LRP1B: variants seen among roughly 807,000 people sequenced by gnomAD.
The protein encoded by LRP1B is LDL receptor related protein 1B, also known as low-density lipoprotein receptor-related protein 1B.
A neutral mutation model predicts 556.6 loss-of-function variants in LRP1B; 217 were observed. The ratio of observed to expected loss-of-function variants is 0.39; its 90% confidence interval spans 0.35 to 0.44. LRP1B has a LOEUF of 0.44. LRP1B is among the 20% of genes least tolerant of loss of function. The probability of loss-of-function intolerance (pLI) is 1.00; values close to 1 mark genes in which losing one functional copy is unlikely to be tolerated. For missense variants in LRP1B, 5,053 were observed against 5,620.8 expected, an observed-to-expected ratio of 0.90 and a Z score of 3.23; for synonymous variants, 2,047 against 1,865.8, an observed-to-expected ratio of 1.10 and a Z score of -2.50.
At chr2:140,487,774 T>C in intron 57 of LRP1B, 35 bp from the exon 58 acceptor site, 2 of 1,357,752 alleles carry the variant, frequency 1.5e-6, no homozygotes, top group Non-Finnish European at 2.0e-6. Flanking sequence ...TCAATGATAG[T>C]TCATAGAAAT....
At chr2:140,316,526 T>G (rs1037610762) in intron 82 of LRP1B, among the ~76,000 whole-genome samples, 14 of 150,954 alleles carry the variant, frequency 9.3e-5, no homozygotes, top group Admixed American at 8.5e-4. Context: ...TTACTGAAGT[T>G]TGTATTTGTA....
intron 32 of LRP1B, 93 bp from the exon 33 acceptor site, chr2:140,776,331 T>C (rs1213106722): frequency 1.3e-6 from 1 of 792,746 alleles, no homozygotes. Flanking sequence ...CTCTGATTTC[T>C]TTTGTTATAT....
chr2:141,979,506 A>G (rs1478924665), intron 1 of LRP1B, among the ~76,000 whole-genome samples: 1 of 152,106 alleles, frequency 6.6e-6, no homozygotes, highest in Non-Finnish European at 1.5e-5. Flanking sequence ...CAACATATTA[A>G]GAATCTTATT....
At chr2:140,657,697 AATC>A (rs1684942341) in intron 41 of LRP1B, among the ~76,000 whole-genome samples, 1 of 150,430 alleles carries the variant, frequency 6.6e-6, no homozygotes, top group Admixed American at 6.7e-5. Context: ...AACATTATGG[AATC>A]ATCAGTAAGC....
At chr2:141,166,729 T>C (rs566792915) in intron 7 of LRP1B, among the ~76,000 whole-genome samples, 4 of 152,084 alleles carry the variant, frequency 2.6e-5, no homozygotes, top group Admixed American at 6.6e-5. Flanking sequence ...TCACAGAGCA[T>C]TGTCATAATT....
intron 86 of LRP1B, among the ~76,000 whole-genome samples, chr2:140,251,069 T>C (rs1363398518): frequency 1.3e-5 from 2 of 151,794 alleles, no homozygotes; most frequent in South Asian, 2.1e-4. Flanking sequence ...CCTGAGCAGT[T>C]TGTGCAGTTA....
At position 140,975,205 on chromosome 2, in the gene LRP1B, T is replaced by C. The variant is rs987991694; in HGVS notation, c.2887+6955A>G. Among the ~76,000 whole-genome samples the C allele has an allele frequency of 7.9e-5, 12 of 152,064 alleles. No individual in the cohort carries two copies. In the East Asian group the frequency reaches 9.7e-4, roughly 12 times the overall value. ...ATCCTGTGGTGAGAATGAGAAGTTA[T>C]GGGGAATAAAAGAAACCTAGATCTA... On this transcript the variant is annotated intron_variant, in intron 18 of 90. Coordinates refer to ENST00000389484, the MANE Select transcript of LRP1B (RefSeq NM_018557.3).
At chr2:141,118,754 G>T (rs1700968978) in intron 7 of LRP1B, among the ~76,000 whole-genome samples, 1 of 151,716 alleles carries the variant, frequency 6.6e-6, no homozygotes, top group African/African-American at 2.4e-5. Context: ...AAGAGATGAG[G>T]TATCTAAGCA....
chr2:141,541,396 T>C (rs1413020575), intron 2 of LRP1B, among the ~76,000 whole-genome samples: 1 of 152,052 alleles, frequency 6.6e-6, no homozygotes, highest in Non-Finnish European at 1.5e-5. Flanking sequence ...TTGAGCTAAG[T>C]CTTAAAAACA....
At chr2:140,322,226 TCTCA>T (rs1680180298) in intron 81 of LRP1B, 138 bp from the exon 82 acceptor site, 3 of 763,750 alleles carry the variant, frequency 3.9e-6, no homozygotes, top group Non-Finnish European at 4.3e-6. Flanking sequence ...ATGTGGAGTA[TCTCA>T]CTCAATATCA....
intron 2 of LRP1B, among the ~76,000 whole-genome samples, chr2:141,543,261 C>A (rs577720084): frequency 1.6e-3 from 236 of 151,924 alleles, no homozygotes; most frequent in African/African-American, 5.5e-3. Context: ...GTAGTCCCAG[C>A]ACATTGGGAG....
chr2:140,400,954 G>A (rs192494863), intron 66 of LRP1B, among the ~76,000 whole-genome samples: 1 of 152,196 alleles, frequency 6.6e-6, no homozygotes, highest in South Asian at 2.1e-4. Flanking sequence ...GCAGCAGTGG[G>A]AAGTGCCTTG....
At chr2:142,096,928 A>G (rs1399836343) in intron 1 of LRP1B, among the ~76,000 whole-genome samples, 1 of 151,492 alleles carries the variant, frequency 6.6e-6, no homozygotes, top group Admixed American at 6.6e-5. Flanking sequence ...CATGACCATG[A>G]GTACTTAATG....
At chr2:141,490,030 T>C (rs914674175) in intron 2 of LRP1B, among the ~76,000 whole-genome samples, 7 of 152,156 alleles carry the variant, frequency 4.6e-5, no homozygotes, top group African/African-American at 1.4e-4. Context: ...GTGATTGATT[T>C]TGTCCAGCTG....
Position 140,247,110 on chromosome 2 carries a change from T to C in LRP1B, c.13300A>G (p.Ser4434Gly). ...CTTGTGCTGATATGATCAGACTTGC[T>C]GCTCTTTGGGGCTGGCCTTTCACAC... Reference protein sequence around the residue: ...TQCERPAPKSSKSDHISTRSI... With the variant: ...TQCERPAPKSGKSDHISTRSI... Residue 4434 changes from serine to glycine, a missense_variant, in exon 87 of 91, where the codon AGC (serine) becomes GGC (glycine). Ser to Gly is a moderately conservative substitution (Grantham distance 56). This residue lies in a region of LRP1B where 551 missense variants were observed against 592.0 expected (regional missense o/e 0.93). Coordinates refer to ENST00000389484, the MANE Select transcript of LRP1B (RefSeq NM_018557.3). 1 of 1,609,488 alleles carries C rather than the reference T, an allele frequency of 6.2e-7. No individual in the cohort carries two copies. Among genetic ancestry groups the C allele is most frequent in the East Asian group, 2.2e-5 (1 of 44,634 alleles).
intron 3 of LRP1B, among the ~76,000 whole-genome samples, chr2:141,420,966 G>T (rs986506913): frequency 1.3e-5 from 2 of 152,178 alleles, no homozygotes; most frequent in Admixed American, 1.3e-4. Context: ...GTTGGGTTGT[G>T]CCAGCTTGAA....
At chr2:140,520,009 G>A (rs184519055) in intron 49 of LRP1B, among the ~76,000 whole-genome samples, 1 of 152,118 alleles carries the variant, frequency 6.6e-6, no homozygotes, top group Non-Finnish European at 1.5e-5. Context: ...CTTTTACACT[G>A]TTTTTGGGAG....
rs762468231 is a variant in LRP1B, at chr2:140,902,899, A to G, written c.3766+21T>C. On this transcript the variant is annotated intron_variant, in intron 23 of 90. Coordinates refer to ENST00000389484, the MANE Select transcript of LRP1B (RefSeq NM_018557.3). ...AAGATCTATTCTTAAATATAGCAAC[A>G]CACACAAAATAGTTACTTACCAACA... 6 of 1,607,860 alleles carry G rather than the reference A, an allele frequency of 3.7e-6. No individual in the cohort carries two copies. In the Admixed American group the frequency reaches 8.4e-5, roughly 22 times the overall value.
In LRP1B at chr2:140,639,232, A is replaced by G. The variant is rs1684185979; in HGVS notation, c.6800-37593T>C. Reference sequence around the variant, plus strand: ...TCAGTTACCTTAAGTACCACTCCAAAAAAATCTTTGTAGAAAATATTATGG... The same window carrying G: ...TCAGTTACCTTAAGTACCACTCCAAGAAAATCTTTGTAGAAAATATTATGG... On this transcript the variant is annotated intron_variant, in intron 41 of 90. Coordinates refer to ENST00000389484, the MANE Select transcript of LRP1B (RefSeq NM_018557.3). Among the ~76,000 whole-genome samples the G allele has an allele frequency of 3.3e-5, 5 of 152,218 alleles. No individual in the cohort carries two copies. The South Asian group carries it at 1.0e-3, about 32-fold the overall frequency.
Sources: gnomAD v4.1 joint callset for allele counts (sites outside exome capture counted in the v4.1 genomes callset) on GRCh38, gnomAD v4.1.1 for gene constraint, gnomAD v4.1.1 regional missense constraint, MANE v1.5 for transcripts, NCBI Gene and HGNC (gene_info 2026-07-23, HGNC 2026-07-21) for gene names.